The following AUTS2 variants were observed in gnomAD, a reference collection of about 807,000 sequenced individuals.
AUTS2 encodes autism susceptibility gene 2 protein.
AUTS2 carries 17 observed loss-of-function variants against 112.4 expected under a neutral mutation model. The observed-to-expected ratio is 0.15, with a 90% confidence interval of 0.10 to 0.23. The LOEUF is 0.23. Ranked by LOEUF, AUTS2 falls within the 10% of genes least tolerant of loss-of-function variation. The pLI is 1.00. For missense variants in AUTS2, 1,510 were observed against 1,701.6 expected, an observed-to-expected ratio of 0.89 and a Z score of 1.98; for synonymous variants, 751 against 702.7, an observed-to-expected ratio of 1.07 and a Z score of -1.09.
chr7:69,780,609 C>T (rs1410640270), intron 1 of AUTS2, among the ~76,000 whole-genome samples: 1 of 152,162 alleles, frequency 6.6e-6, no homozygotes, highest in Admixed American at 6.5e-5. Context: ...CACTGTGTGC[C>T]TGGCTGTTGT....
intron 5 of AUTS2, among the ~76,000 whole-genome samples, chr7:70,556,497 G>A (rs1201224926): frequency 1.3e-5 from 2 of 152,242 alleles, no homozygotes; most frequent in South Asian, 2.1e-4. Flanking sequence ...TGTGACAATC[G>A]CAGCTGTGAT....
At chr7:70,741,847 A>G (rs1788133372) in intron 6 of AUTS2, among the ~76,000 whole-genome samples, 1 of 152,140 alleles carries the variant, frequency 6.6e-6, no homozygotes, top group Non-Finnish European at 1.5e-5. Context: ...TGAACTTGGA[A>G]AGAAGGTTGT....
intron 5 of AUTS2, among the ~76,000 whole-genome samples, chr7:70,496,296 C>G (rs1798497756): frequency 7.3e-6 from 1 of 136,182 alleles, no homozygotes; most frequent in Non-Finnish European, 1.6e-5. Flanking sequence ...TCACACACCC[C>G]ACTCACACAC....
At chr7:70,023,138 C>G (rs1031855461) in intron 2 of AUTS2, among the ~76,000 whole-genome samples, 26 of 152,266 alleles carry the variant, frequency 1.7e-4, no homozygotes, top group African/African-American at 6.0e-4. Flanking sequence ...AGCCACTGTG[C>G]CCAGCCTCTA....
At chr7:70,089,687 A>G (rs1803806817) in intron 2 of AUTS2, among the ~76,000 whole-genome samples, 1 of 151,556 alleles carries the variant, frequency 6.6e-6, no homozygotes. Context: ...TTACTTTTCC[A>G]CATTTTGTGC....
intron 2 of AUTS2, among the ~76,000 whole-genome samples, chr7:70,041,634 A>G (rs968501566): frequency 6.6e-6 from 1 of 152,178 alleles, no homozygotes; most frequent in Non-Finnish European, 1.5e-5. Flanking sequence ...ACTCTTGGGT[A>G]TGTATGTATA....
intron 5 of AUTS2, among the ~76,000 whole-genome samples, chr7:70,632,346 G>A (rs1805306667): frequency 6.6e-6 from 1 of 152,102 alleles, no homozygotes; most frequent in African/African-American, 2.4e-5. Flanking sequence ...ACCGTGGGCT[G>A]AGATTTCACA....
At chr7:70,484,747 G>C (rs1027527595) in intron 5 of AUTS2, among the ~76,000 whole-genome samples, 3 of 152,154 alleles carry the variant, frequency 2.0e-5, no homozygotes, top group African/African-American at 7.2e-5. Context: ...AGGATGACTT[G>C]AAAGCAGGGA....
chr7:69,862,213 A>C (rs1050497254), intron 1 of AUTS2, among the ~76,000 whole-genome samples: 4 of 152,230 alleles, frequency 2.6e-5, no homozygotes, highest in Non-Finnish European at 4.4e-5. Flanking sequence ...TTGTGAATAG[A>C]TAATATTCAA....
At chr7:69,675,763 T>G (rs1005515398) in intron 1 of AUTS2, among the ~76,000 whole-genome samples, 2 of 152,022 alleles carry the variant, frequency 1.3e-5, no homozygotes, top group African/African-American at 4.8e-5. Context: ...TGTCTTGGCC[T>G]CCCACAGTGC....
intron 1 of AUTS2, among the ~76,000 whole-genome samples, chr7:69,802,975 A>G (rs1377329826): frequency 6.6e-6 from 1 of 152,214 alleles, no homozygotes; most frequent in Non-Finnish European, 1.5e-5. Flanking sequence ...TGCTGTTTCA[A>G]ATTTCATTGA....
intron 1 of AUTS2, among the ~76,000 whole-genome samples, chr7:69,876,502 ATATATATATATATATATAT>A (rs1793798295): frequency 1.9e-4 from 2 of 10,762 alleles, no homozygotes; most frequent in Non-Finnish European, 3.5e-4. Flanking sequence ...ATATATATAT[ATATATATATATATATATAT>A]ATATATATAT....
intron 5 of AUTS2, among the ~76,000 whole-genome samples, chr7:70,650,792 T>A (rs1334372294): frequency 3.9e-5 from 6 of 152,212 alleles, no homozygotes; most frequent in African/African-American, 1.4e-4. Flanking sequence ...AGCAAACACA[T>A]CTACACCCTT....
chr7:70,064,034 A>G (rs1415205133), intron 2 of AUTS2, among the ~76,000 whole-genome samples: 1 of 152,220 alleles, frequency 6.6e-6, no homozygotes, highest in Non-Finnish European at 1.5e-5. Flanking sequence ...ATTCTATTAC[A>G]GAAGAGCCAA....
chr7:69,935,371 AATC>A (rs1420939123), intron 2 of AUTS2, among the ~76,000 whole-genome samples: 2 of 152,210 alleles, frequency 1.3e-5, no homozygotes, highest in Non-Finnish European at 2.9e-5. Flanking sequence ...GGCAATAGGG[AATC>A]ATCATAGAAT....
chr7:69,942,705 A>G (rs1165682983), intron 2 of AUTS2, among the ~76,000 whole-genome samples: 1 of 152,222 alleles, frequency 6.6e-6, no homozygotes, highest in Non-Finnish European at 1.5e-5. Context: ...TCATCTTGAC[A>G]GTGGCAAGTA....
At chr7:70,703,711 G>A (rs1475002796) in intron 6 of AUTS2, among the ~76,000 whole-genome samples, 2 of 152,128 alleles carry the variant, frequency 1.3e-5, no homozygotes, top group Admixed American at 1.3e-4. Context: ...GTGCACAAGA[G>A]CAAACTGCCC....
At chr7:70,070,650 G>A (rs200439441) in intron 2 of AUTS2, among the ~76,000 whole-genome samples, 1 of 152,126 alleles carries the variant, frequency 6.6e-6, no homozygotes. Flanking sequence ...TGGATCATGA[G>A]GTCAAGAGAT....
At chr7:69,604,722 A>G (rs1792618513) in intron 1 of AUTS2, among the ~76,000 whole-genome samples, 1 of 152,250 alleles carries the variant, frequency 6.6e-6, no homozygotes, top group African/African-American at 2.4e-5. Context: ...CAAAGGTGGT[A>G]AGTAAAGAGT....
Sources: gnomAD v4.1 joint callset for allele counts (sites outside exome capture counted in the v4.1 genomes callset) on GRCh38, gnomAD v4.1.1 for gene constraint, MANE v1.5 for transcripts, NCBI Gene and HGNC (gene_info 2026-07-23, HGNC 2026-07-21) for gene names.